The following ARMC3 variants were observed in gnomAD, a reference collection of about 807,000 sequenced individuals.
ARMC3 encodes the protein armadillo repeat-containing protein 3.
A neutral mutation model predicts 90.3 loss-of-function variants in ARMC3; 74 were observed. The observed-to-expected ratio is 0.82, with a 90% CI of 0.68 to 0.99. The LOEUF is 0.99. Among genes scored for constraint, ARMC3 ranks in the 50% least tolerant of loss-of-function variants. ARMC3 has a pLI of 0.00. For missense variants in ARMC3, 958 were observed against 1,042.8 expected (o/e 0.92, Z 1.12); for synonymous variants, 334 against 361.8 (o/e 0.92, Z 0.87).
chr10:23,010,236 C>T (rs945911338), intron 16 of ARMC3, among the ~76,000 whole-genome samples: 15 of 144,618 alleles, frequency 1.0e-4, no homozygotes, highest in African/African-American at 3.9e-4. Flanking sequence ...TCCCTCCTCT[C>T]TCCCTTCCCA....
chr10:22,943,394 T>C (rs1351610833), intron 2 of ARMC3, among the ~76,000 whole-genome samples: 1 of 152,212 alleles, frequency 6.6e-6, no homozygotes, highest in Non-Finnish European at 1.5e-5. Flanking sequence ...CCCTTCTTTC[T>C]GGCAGTGTGG....
intron 3 of ARMC3, among the ~76,000 whole-genome samples, chr10:22,949,059 G>A (rs1445554962): frequency 6.6e-6 from 1 of 152,166 alleles, no homozygotes; most frequent in Non-Finnish European, 1.5e-5. Flanking sequence ...AATACACAGA[G>A]GAGTCTTGCC....
intron 16 of ARMC3, among the ~76,000 whole-genome samples, chr10:23,024,646 G>A (rs367767801): frequency 1.7e-3 from 266 of 152,204 alleles, no homozygotes; most frequent in African/African-American, 6.1e-3. Context: ...TTTGTACATT[G>A]TAATATCTAC....
At chr10:23,032,395 A>C (rs1838952364) in intron 17 of ARMC3, among the ~76,000 whole-genome samples, 2 of 152,196 alleles carry the variant, frequency 1.3e-5, no homozygotes, top group South Asian at 4.1e-4. Context: ...AAACTTGAAA[A>C]TGTTCTTAAA....
intron 16 of ARMC3, among the ~76,000 whole-genome samples, chr10:23,016,852 C>T (rs1245648703): frequency 6.6e-6 from 1 of 152,356 alleles, no homozygotes; most frequent in South Asian, 2.1e-4. Context: ...CTGTGAGACA[C>T]ACTCCTGCCT....
chr10:22,975,125 A>AT (rs951680331), intron 8 of ARMC3, among the ~76,000 whole-genome samples: 1 of 152,206 alleles, frequency 6.6e-6, no homozygotes, highest in Non-Finnish European at 1.5e-5. Context: ...TTCAGTTAAA[A>AT]TTTTTTTAAG....
chr10:23,008,877 C>T lies in ARMC3; in HGVS notation c.1991C>T (p.Ala664Val). 1.2e-6 allele frequency: 2 copies of T among 1,613,818 alleles called. No homozygotes were observed. The highest frequency in any genetic ancestry group is 1.7e-6 in the Non-Finnish European group (2 of 1,179,888). ...CCCATAGAAGACAAATCAGAGCCAG[C>T]TTCTGGACGAAATACTGTTCTCAGC... ...GSPIEDKSEP[A>V]SGRNTVLSKS... Residue 664 changes from alanine (A) to valine (V), a missense_variant, in exon 16 of 19, where the codon GCT becomes GTT. Transcript: ENST00000298032.
At chr10:23,009,968 T>A (rs527698962) in intron 16 of ARMC3, among the ~76,000 whole-genome samples, 44 of 152,212 alleles carry the variant, frequency 2.9e-4, no homozygotes, top group South Asian at 2.5e-3. Flanking sequence ...GGGCCCCAAG[T>A]CTCCCAAGGC....
rs1835833309 is a variant in ARMC3 at position 22,974,602 on chromosome 10, A to T, written c.916+6113A>T. Among the ~76,000 whole-genome samples, 3 of 151,682 alleles carry T rather than the reference A, an allele frequency of 2.0e-5. No homozygotes were observed. The South Asian group carries it at 6.3e-4, about 32-fold the overall frequency. On this transcript the variant is annotated intron_variant, in intron 8 of 18. Coordinates refer to ENST00000298032, the MANE Select transcript of ARMC3 (RefSeq NM_173081.5). ...TTCTGATGTTTCTAAGATCAATAAG[A>T]GGTTATAGATTCCCCTCTCTAAAAT... is the stretch of plus-strand genomic sequence containing the variant.
At chr10:22,960,107 C>T in intron 6 of ARMC3, 2 of 304,472 alleles carry the variant, frequency 6.6e-6, no homozygotes, top group South Asian at 5.9e-5. Flanking sequence ...TTCCCCTCCC[C>T]TGCAGTCCTG....
At chr10:23,027,328 T>A (rs1838749007) in intron 16 of ARMC3, among the ~76,000 whole-genome samples, 1 of 152,210 alleles carries the variant, frequency 6.6e-6, no homozygotes, top group Admixed American at 6.5e-5. Context: ...AGCACATAGA[T>A]CATGTAGGAA....
At chr10:22,997,968 A>G (rs1837074218) in intron 10 of ARMC3, among the ~76,000 whole-genome samples, 180 bp from the exon 11 acceptor site, 1 of 152,238 alleles carries the variant, frequency 6.6e-6, no homozygotes, top group Non-Finnish European at 1.5e-5. Flanking sequence ...TTCATAGCTC[A>G]AAATTTCCCA....
At chr10:22,978,634 T>C (rs953454493) in intron 8 of ARMC3, among the ~76,000 whole-genome samples, 2 of 152,182 alleles carry the variant, frequency 1.3e-5, no homozygotes, top group African/African-American at 4.8e-5. Context: ...TTTATATTAG[T>C]TACAGTGGCA....
intron 10 of ARMC3, among the ~76,000 whole-genome samples, chr10:22,988,164 A>G (rs1836543549): frequency 6.6e-6 from 1 of 152,272 alleles, no homozygotes; most frequent in South Asian, 2.1e-4. Flanking sequence ...TAATATAGAA[A>G]TAAAGCATTG....
intron 7 of ARMC3, among the ~76,000 whole-genome samples, chr10:22,966,210 C>T (rs941862840): frequency 7.2e-5 from 11 of 152,194 alleles, no homozygotes; most frequent in African/African-American, 2.7e-4. Flanking sequence ...CCATGGAGTT[C>T]TCCCCAGAGC....
intron 13 of ARMC3, among the ~76,000 whole-genome samples, chr10:23,005,021 G>A (rs1362404412): frequency 6.6e-6 from 1 of 151,662 alleles, no homozygotes; most frequent in Non-Finnish European, 1.5e-5. Flanking sequence ...AGACCATCCT[G>A]GCTAACACGG....
intron 2 of ARMC3, among the ~76,000 whole-genome samples, chr10:22,937,459 G>A (rs562703393): frequency 6.6e-6 from 1 of 152,088 alleles, no homozygotes; most frequent in East Asian, 1.9e-4. Context: ...AGGGAAATCT[G>A]TTTTAGATGT....
At chr10:22,974,009 C>T (rs975859700) in intron 8 of ARMC3, among the ~76,000 whole-genome samples, 2 of 152,044 alleles carry the variant, frequency 1.3e-5, no homozygotes, top group African/African-American at 2.4e-5. Flanking sequence ...CCACCCACCT[C>T]GGCCTCCCAG....
At chr10:23,020,093 A>ATG (rs1268854351) in intron 16 of ARMC3, among the ~76,000 whole-genome samples, 1 of 151,844 alleles carries the variant, frequency 6.6e-6, no homozygotes, top group African/African-American at 2.4e-5. Flanking sequence ...ATAAACATTC[A>ATG]TGTGTGTGTG....
Sources: allele counts gnomAD v4.1 joint callset (sites outside exome capture counted in the v4.1 genomes callset), GRCh38; gene constraint gnomAD v4.1.1; transcripts MANE v1.5; gene names NCBI Gene and HGNC (gene_info 2026-07-23, HGNC 2026-07-21).